The following SETSIP variants were observed in gnomAD, a reference collection of about 807,000 sequenced individuals.
SETSIP encodes protein SETSIP.
Under a neutral mutation model 21.9 loss-of-function variants are expected in SETSIP, and 15 were observed. The ratio of observed to expected loss-of-function variants is 0.69; its 90% CI spans 0.46 to 1.06. SETSIP has a LOEUF of 1.06. Among genes scored for constraint, SETSIP ranks in the 50% least tolerant of loss-of-function variants. The pLI, the probability that SETSIP is intolerant of heterozygous loss-of-function variation, is 0.00. For synonymous variants in SETSIP, 101 were observed against 121.2 expected, an observed-to-expected ratio of 0.83 and a Z score of 1.09; for missense variants, 310 against 337.4, an observed-to-expected ratio of 0.92 and a Z score of 0.64.
chr1:92,074,724 A>G lies in SETSIP; in HGVS notation c.688T>C (p.Leu230=). The change falls in exon 1 of 1, where the codon TTA becomes CTA. Residue 230 remains leucine, a synonymous_variant. Coordinates refer to ENST00000596516, the Ensembl canonical transcript of SETSIP. The stretch of plus-strand genomic sequence containing the variant: ...ATATCAGGAACCAAGTAATACTGTA[A>G]TGGGTTTGGCCAAATATCATCTTTG... 9 of 1,606,360 alleles carry G rather than the reference A, an allele frequency of 5.6e-6. No individual in the cohort carries two copies. In the South Asian group the frequency reaches 1.0e-4, roughly 18 times the overall value.
At chr1:92,074,977 A>G in exon 1 of SETSIP, 2 of 1,611,478 alleles carry the variant, frequency 1.2e-6, no homozygotes, top group Non-Finnish European at 1.7e-6. Flanking sequence ...TTTCAAAGTA[A>G]GGATTTTCAT....
exon 1 of SETSIP, chr1:92,074,940 G>C (rs933584874): frequency 2.5e-6 from 4 of 1,611,586 alleles, no homozygotes; most frequent in African/African-American, 2.7e-5. Context: ...CTCTCATTCA[G>C]ATGAAATTCT....
exon 1 of SETSIP, chr1:92,074,776 T>G: frequency 6.2e-7 from 1 of 1,611,040 alleles, no homozygotes; most frequent in Non-Finnish European, 8.5e-7. Context: ...CATCAGCACC[T>G]GCATCAGAAT....
In SETSIP at chr1:92,074,655, CAT is replaced by C; in HGVS notation, c.755_756del (p.Asp252GlyfsTer3). The C allele has an allele frequency of 1.3e-6, 2 of 1,580,168 alleles. No individual in the cohort carries two copies. The highest frequency in any genetic ancestry group is 1.7e-6 in the Non-Finnish European group (2 of 1,168,178). On this transcript the variant is annotated frameshift_variant, in exon 1 of 1. Transcript: ENST00000596516. LOFTEE classifies it high-confidence loss of function. ...AATTCTTCCTCCCCTTCATCACCATCATCATCATCATCATCATCATCTTCTCC... is the reference window on the plus strand; with the variant it reads ...AATTCTTCCTCCCCTTCATCACCATCCATCATCATCATCATCATCTTCTCC...
rs1647811619 is a variant in SETSIP at position 92,075,168 on chromosome 1, G to A, written c.244C>T (p.Gln82Ter). 1 of 1,611,704 alleles carries A rather than the reference G, an allele frequency of 6.2e-7. No homozygotes were observed. The highest frequency in any genetic ancestry group is 8.5e-7 in the Non-Finnish European group (1 of 1,179,758). ...TTGGCGATCAATTCTGACCTCTTCT[G>A]AAAAAATGGTTGGCGGAGTTTGTTA... The change falls in exon 1 of 1, where the codon CAG (glutamine) becomes TAG (stop). Residue 82 changes from glutamine (Q) to a stop codon, truncating the protein, a stop_gained. Transcript: ENST00000596516. LOFTEE classifies it high-confidence loss of function.
At chr1:92,074,841 T>C in exon 1 of SETSIP, 1 of 1,611,688 alleles carries the variant, frequency 6.2e-7, no homozygotes, top group Non-Finnish European at 8.5e-7. Flanking sequence ...CTCTTCCTGC[T>C]GGCTTTATTC....
chr1:92,074,558 T>A, exon 1 of SETSIP: 1 of 1,574,384 alleles, frequency 6.4e-7, no homozygotes, highest in Non-Finnish European at 8.6e-7. Context: ...TTCATCCTCC[T>A]CTCCTTCCTC....
At chr1:92,074,833 C>T (rs1394820296) in exon 1 of SETSIP, 21 of 1,611,492 alleles carry the variant, frequency 1.3e-5, no homozygotes, top group Non-Finnish European at 1.7e-5. Context: ...CATGCTGCCT[C>T]TTCCTGCTGG....
Position 92,075,231 on chromosome 1 carries a change from G to A in SETSIP, c.181C>T (p.Gln61Ter), listed in dbSNP as rs1239137776. The A allele has an allele frequency of 6.8e-6, 11 of 1,611,748 alleles. No homozygotes were observed. The highest frequency in any genetic ancestry group is 7.6e-6 in the Non-Finnish European group (9 of 1,179,842). Residue 61 changes from glutamine to a stop codon, truncating the protein, a stop_gained, in exon 1 of 1, where the codon CAA becomes TAA. Coordinates refer to ENST00000596516, the Ensembl canonical transcript of SETSIP. LOFTEE classifies it high-confidence loss of function. ...ACTTTCAAAATCTCCTCACTGTCTT[G>A]TTCATTAAGTCTGTCTATTTCATTT... is the stretch of plus-strand genomic sequence containing the variant.
chr1:92,074,854 C>A, exon 1 of SETSIP: 1 of 1,611,520 alleles, frequency 6.2e-7, no homozygotes, highest in Middle Eastern at 2.2e-4. Flanking sequence ...CTTTATTCTG[C>A]GTTTGACTTG....
chr1:92,075,385 G>C (rs1647816639), exon 1 of SETSIP: 1 of 1,600,456 alleles, frequency 6.2e-7, no homozygotes, highest in Non-Finnish European at 8.5e-7. Flanking sequence ...TTTGAAGTGG[G>C]AGTGGAGACT....
exon 1 of SETSIP, chr1:92,075,179 T>A: frequency 2.9e-5 from 46 of 1,611,822 alleles, no homozygotes; most frequent in Non-Finnish European, 3.9e-5. Context: ...AAAAAATGGT[T>A]GGCGGAGTTT....
exon 1 of SETSIP, chr1:92,074,741 T>G: frequency 5.0e-6 from 8 of 1,608,438 alleles, no homozygotes; most frequent in Non-Finnish European, 6.8e-6. Context: ...TGGCCAAATA[T>G]CATCTTTGAT....
chr1:92,074,563 T>C, exon 1 of SETSIP: 3 of 1,574,642 alleles, frequency 1.9e-6, no homozygotes, highest in Non-Finnish European at 2.6e-6. Flanking sequence ...CCTCCTCTCC[T>C]TCCTCCCCTT....
At chr1:92,075,038 A>C (rs907095982) in exon 1 of SETSIP, 7 of 1,611,818 alleles carry the variant, frequency 4.3e-6, no homozygotes, top group Non-Finnish European at 5.9e-6. Flanking sequence ...AAATTCTGTC[A>C]CTTCAACTTT....
chr1:92,075,335 T>C, exon 1 of SETSIP: 3 of 1,611,674 alleles, frequency 1.9e-6, no homozygotes, highest in South Asian at 1.1e-5. Flanking sequence ...GGCCGATGTC[T>C]CCTCCAGTCC....
At chr1:92,075,350 G>A in exon 1 of SETSIP, 1 of 1,610,726 alleles carries the variant, frequency 6.2e-7, no homozygotes, top group Non-Finnish European at 8.5e-7. Flanking sequence ...CAGTCCCAGA[G>A]CAGGAGGTGG....
Position 92,074,684 on chromosome 1 carries a change from C to T in SETSIP, c.728G>A (p.Gly243Glu). The stretch of plus-strand genomic sequence containing the variant: ...ATCATCATCATCATCATCTTCTCCT[C>T]CTTCTTCATCATCCATATCAGGAAC... Residue 243 changes from glycine to glutamate, a missense_variant, in exon 1 of 1, where the codon GGA (glycine) becomes GAA (glutamate). Physicochemically the swap from Gly to Glu is moderately conservative, Grantham distance 98 (BLOSUM62 -2). Coordinates refer to ENST00000596516, the Ensembl canonical transcript of SETSIP. The T allele has an allele frequency of 4.4e-6, 7 of 1,592,690 alleles. No homozygotes were observed. The South Asian group carries it at 6.9e-5, about 16-fold the overall frequency.
exon 1 of SETSIP, chr1:92,074,578 A>T: frequency 3.8e-6 from 6 of 1,568,536 alleles, no homozygotes; most frequent in Non-Finnish European, 5.2e-6. Context: ...CCCCTTCATC[A>T]TCATCTTCAT....
Sources: allele counts gnomAD v4.1 joint callset, GRCh38; gene constraint gnomAD v4.1.1; transcripts MANE v1.5; gene names NCBI Gene and HGNC (gene_info 2026-07-23, HGNC 2026-07-21).